The following SLC25A10 variants were observed in gnomAD, a reference collection of about 807,000 sequenced individuals.
SLC25A10 encodes solute carrier family 25 member 10.
A neutral mutation model predicts 40.4 loss-of-function variants in SLC25A10; 32 were observed. The observed-to-expected ratio is 0.79, with a 90% CI of 0.60 to 1.06. SLC25A10 has a LOEUF of 1.06. SLC25A10 is among the 50% of genes least tolerant of loss of function. SLC25A10 has a pLI of 0.00. For synonymous variants in SLC25A10, 181 were observed against 171.1 expected, an observed-to-expected ratio of 1.06 and a Z score of -0.45; for missense variants, 394 against 402.6, an observed-to-expected ratio of 0.98 and a Z score of 0.18.
At chr17:81,718,999 T>TC (rs2037540318) in intron 9 of SLC25A10, among the ~76,000 whole-genome samples, 1 of 150,592 alleles carries the variant, frequency 6.6e-6, no homozygotes, top group Non-Finnish European at 1.5e-5. Flanking sequence ...CTTTTTTTTT[T>TC]CCCCTCATTG....
intron 1 of SLC25A10, among the ~76,000 whole-genome samples, chr17:81,712,765 G>C (rs2037408501): frequency 6.6e-6 from 1 of 151,670 alleles, no homozygotes; most frequent in Non-Finnish European, 1.5e-5. Flanking sequence ...CCCAGTTCTC[G>C]GCAGGTGGCG....
At position 81,715,007 on chromosome 17, in the gene SLC25A10, C is replaced by T. The variant is rs368648459; in HGVS notation, c.148C>T (p.Arg50Trp). The T allele has an allele frequency of 1.2e-4, 199 of 1,609,880 alleles. No homozygotes were observed. The highest frequency in any genetic ancestry group is 1.6e-4 in the Non-Finnish European group (186 of 1,179,918). The change falls in exon 2 of 11, where the codon CGG becomes TGG. Residue 50 changes from arginine (R) to tryptophan (W), a missense_variant. Physicochemically the swap from Arg to Trp is moderately radical, Grantham distance 101. Coordinates refer to ENST00000350690, the MANE Select transcript of SLC25A10 (RefSeq NM_012140.5). Reference sequence around the variant, plus strand: ...GCTGCGCATGACGGGCATGGCGCTGCGGGTGGTGCGTACCGACGGCATCCT... The same window carrying T: ...GCTGCGCATGACGGGCATGGCGCTGTGGGTGGTGCGTACCGACGGCATCCT... ...VKLRMTGMAL[R>W]VVRTDGILAL...
intron 2 of SLC25A10, 108 bp downstream of exon 2, chr17:81,715,180 C>T (rs928456717): frequency 6.8e-7 from 1 of 1,480,082 alleles, no homozygotes; most frequent in Non-Finnish European, 9.1e-7. Context: ...GAAGGACCCA[C>T]CAGGCCGAGA....
chr17:81,712,728 C>A (rs897193736), intron 1 of SLC25A10, among the ~76,000 whole-genome samples: 1 of 152,240 alleles, frequency 6.6e-6, no homozygotes, highest in African/African-American at 2.4e-5. Flanking sequence ...AGGGCGCAGC[C>A]GCGCTCCCCA....
At chr17:81,716,207 G>A (rs1040201389) in intron 5 of SLC25A10, among the ~76,000 whole-genome samples, 157 bp downstream of exon 5, 2 of 152,190 alleles carry the variant, frequency 1.3e-5, no homozygotes, top group African/African-American at 2.4e-5. Flanking sequence ...GGACTCGGGG[G>A]TGTCACTCTG....
Position 81,716,039 on chromosome 17 carries a change from T to A in SLC25A10, c.408T>A (p.Gly136=). ...RMQNDVKLPQ[G]QRRNYAHALD... is the part of the protein sequence containing the mutation. ...AGAACGACGTGAAGCTGCCCCAGGG[T>A]CAGCGGCGCAAGTGAGTCATGGGCG... is the stretch of plus-strand genomic sequence containing the variant. The change falls in exon 5 of 11, where the codon GGT becomes GGA. Residue 136 remains glycine (G), a synonymous_variant. Transcript: ENST00000350690. 2 of 1,597,856 alleles carry A rather than the reference T, an allele frequency of 1.3e-6. No individual in the cohort carries two copies. Among genetic ancestry groups the A allele is most frequent in the Non-Finnish European group, 1.7e-6 (2 of 1,172,592 alleles).
At chr17:81,717,650 G>T in intron 8 of SLC25A10, 134 bp from the exon 9 acceptor site, 1 of 1,285,820 alleles carries the variant, frequency 7.8e-7, no homozygotes, top group Non-Finnish European at 1.1e-6. Flanking sequence ...GGAGCTCATG[G>T]GTCAGCCTGG....
chr17:81,715,159 C>G, intron 2 of SLC25A10, 87 bp downstream of exon 2: 1 of 1,541,912 alleles, frequency 6.5e-7, no homozygotes, highest in Non-Finnish European at 8.7e-7. Flanking sequence ...CTTTTCAAGA[C>G]TTTGTGCAAG....
At chr17:81,716,446 G>T (rs1480359013) in intron 5 of SLC25A10, among the ~76,000 whole-genome samples, 1 of 152,202 alleles carries the variant, frequency 6.6e-6, no homozygotes, top group African/African-American at 2.4e-5. Context: ...CGCTCCAACT[G>T]CAGTGTGAGC....
rs372060985 is a variant in SLC25A10, at chr17:81,715,665, C to T, written c.329-28C>T. 6.3e-5 allele frequency: 102 copies of T among 1,613,202 alleles called. 2 individuals are homozygous for T. The South Asian group carries it at 7.9e-4, about 13-fold the overall frequency. ...CCGAGGACGCCGTGTGTCAGCACGG[C>T]TCATCTCTGGGGTTTGTGTCACCGC... is the stretch of plus-strand genomic sequence containing the variant. On this transcript the variant is annotated intron_variant, in intron 3 of 10. Transcript: ENST00000350690.
chr17:81,720,083 C>A lies in SLC25A10; in HGVS notation c.*6C>A, dbSNP rs376123895. 6.2e-7 allele frequency: 1 copy of A among 1,612,578 alleles called. No individual in the cohort carries two copies. Reference sequence around the variant, plus strand: ...GCATCAAAGTGCCATCCTGACCAGCCGTGGGAATGGCTGGGCTGCCAGGCC... The same window carrying A: ...GCATCAAAGTGCCATCCTGACCAGCAGTGGGAATGGCTGGGCTGCCAGGCC... On this transcript the variant is annotated 3_prime_UTR_variant, in exon 11 of 11. Transcript: ENST00000350690.
In SLC25A10 at chr17:81,712,477, C is replaced by G; in HGVS notation, c.51C>G (p.Ser17=). ...GCTGGTACTTCGGGGGGCTGGCCTC[C>G]TGCGGGGCCGCCTGCTGCACGCACC... ...VSRWYFGGLA[S]CGAACCTHPL... The change falls in exon 1 of 11, where the codon TCC becomes TCG. Residue 17 remains serine, a synonymous_variant. Transcript: ENST00000350690. 7.7e-7 allele frequency: 1 copy of G among 1,304,604 alleles called. No homozygotes were observed. The highest frequency in any genetic ancestry group is 9.7e-7 in the Non-Finnish European group (1 of 1,028,352). 80.8% of individuals were successfully genotyped at this position (1,304,604 alleles called of 1,614,324 possible). A position where few individuals can be genotyped will look rare whatever the true frequency, so the allele number is the denominator to read the frequency against.
At chr17:81,717,098 TG>T in intron 7 of SLC25A10, 26 bp downstream of exon 7, 13 of 1,609,676 alleles carry the variant, frequency 8.1e-6, no homozygotes, top group Non-Finnish European at 1.1e-5. Context: ...GGGGTGGGTG[TG>T]GGCAGTGCCT....
chr17:81,719,322 C>T (rs1400048572), intron 9 of SLC25A10, among the ~76,000 whole-genome samples: 1 of 152,218 alleles, frequency 6.6e-6, no homozygotes, highest in Admixed American at 6.5e-5. Context: ...CCGCCTCAGC[C>T]TCCCAAAGTG....
At chr17:81,715,161 T>C in intron 2 of SLC25A10, 89 bp downstream of exon 2, 2 of 1,538,080 alleles carry the variant, frequency 1.3e-6, no homozygotes, top group Non-Finnish European at 1.8e-6. Context: ...TTTCAAGACT[T>C]TGTGCAAGGA....
At chr17:81,714,225 G>T (rs1287207816) in intron 1 of SLC25A10, among the ~76,000 whole-genome samples, 1 of 152,226 alleles carries the variant, frequency 6.6e-6, no homozygotes, top group Non-Finnish European at 1.5e-5. Context: ...CCAGGAGCTG[G>T]GATCCTGGGC....
chr17:81,712,495 C>T lies in SLC25A10; in HGVS notation c.69C>T (p.Cys23=). The change falls in exon 1 of 11, where the codon TGC becomes TGT. Residue 23 remains cysteine (C), a synonymous_variant. Transcript: ENST00000350690. ...TGGCCTCCTGCGGGGCCGCCTGCTG[C>T]ACGCACCCGCTGGACCTGCTCAAGG... ...GGLASCGAAC[C]THPLDLLKVH... 7.7e-7 allele frequency: 1 copy of T among 1,302,578 alleles called. No homozygotes were observed. Among genetic ancestry groups the T allele is most frequent in the Non-Finnish European group, 9.7e-7 (1 of 1,027,756 alleles). 80.7% of individuals were successfully genotyped at this position (1,302,578 alleles called of 1,614,324 possible).
chr17:81,715,470 TCC>T lies in SLC25A10; in HGVS notation c.214-4_214-3del. 6.2e-7 allele frequency: 1 copy of T among 1,609,202 alleles called. No homozygotes were observed. Among genetic ancestry groups the T allele is most frequent in the Non-Finnish European group, 8.5e-7 (1 of 1,177,026 alleles). On this transcript the variant is annotated splice_region_variant and splice_polypyrimidine_tract_variant and intron_variant, in intron 2 of 10. Transcript: ENST00000350690. ...CCCGTCCCTCCAAGCCAGGCCCTTC[TCC>T]CCCAGATGACCTACTCCCTGACTCG...
At chr17:81,715,807 G>T in intron 4 of SLC25A10, 66 bp downstream of exon 4, 1 of 1,594,966 alleles carries the variant, frequency 6.3e-7, no homozygotes, top group East Asian at 2.2e-5. Context: ...GCCAGGGCCT[G>T]CCAGGGCTGC....
Sources: gnomAD v4.1 joint callset for allele counts (sites outside exome capture counted in the v4.1 genomes callset) on GRCh38, gnomAD v4.1.1 for gene constraint, MANE v1.5 for transcripts, NCBI Gene and HGNC (gene_info 2026-07-23, HGNC 2026-07-21) for gene names.